The following GAREM1 variants were observed in gnomAD, a reference collection of about 807,000 sequenced individuals.
GAREM1 encodes GRB2-associated and regulator of MAPK protein 1.
In GAREM1, 26 loss-of-function variants were observed where a neutral mutation model predicts 71.3. That is an observed-to-expected ratio of 0.36 (90% CI 0.27 to 0.51). GAREM1 has a LOEUF of 0.51. Ranked by LOEUF, GAREM1 falls within the 20% of genes least tolerant of loss-of-function variation. The probability of loss-of-function intolerance (pLI) is 0.95; values close to 1 mark genes in which losing one functional copy is unlikely to be tolerated. For missense variants in GAREM1, 1,026 were observed against 1,103.1 expected (o/e 0.93, Z 0.99); for synonymous variants, 440 against 433.2 (o/e 1.02, Z -0.20).
At chr18:32,408,419 A>C (rs2048385713) in intron 1 of GAREM1, among the ~76,000 whole-genome samples, 1 of 152,216 alleles carries the variant, frequency 6.6e-6, no homozygotes, top group South Asian at 2.1e-4. Context: ...ATGGGGTGAT[A>C]TCAAGTATCC....
At chr18:32,456,579 C>T (rs1304271022) in intron 1 of GAREM1, among the ~76,000 whole-genome samples, 3 of 152,054 alleles carry the variant, frequency 2.0e-5, no homozygotes, top group East Asian at 1.9e-4. Flanking sequence ...TGGGATGCAA[C>T]GCAATCACTT....
intron 1 of GAREM1, among the ~76,000 whole-genome samples, chr18:32,415,792 C>T (rs1488385433): frequency 1.3e-5 from 2 of 152,060 alleles, no homozygotes; most frequent in Non-Finnish European, 2.9e-5. Flanking sequence ...AACTGAAAGC[C>T]TTTCCTCTAA....
rs530585192 is a variant in GAREM1, at chr18:32,387,813, A to G, written c.262+5082T>C. ...CATAGTTACCTTTTTTCAAAGTTTTATGAAATTATTTTTCATATTAAGAAT... is the reference window on the plus strand; with the variant it reads ...CATAGTTACCTTTTTTCAAAGTTTTGTGAAATTATTTTTCATATTAAGAAT... On this transcript the variant is annotated intron_variant, in intron 2 of 5. Transcript: ENST00000269209. Among the ~76,000 whole-genome samples the G allele has an allele frequency of 7.2e-4, 110 of 152,304 alleles. 1 individual carries two copies. The highest frequency in any genetic ancestry group is 3.4e-3 in the Middle Eastern group (1 of 294).
intron 3 of GAREM1, 146 bp downstream of exon 3, chr18:32,310,047 T>C: frequency 1.4e-6 from 1 of 712,132 alleles, no homozygotes; most frequent in South Asian, 2.0e-5. Context: ...TCAGCTACAA[T>C]ATATGTGGTT....
rs2047031338 is a variant in GAREM1 at position 32,287,305 on chromosome 18, C to T, written c.1292G>A (p.Ser431Asn). Residue 431 changes from serine to asparagine, a missense_variant, in exon 4 of 6, where the codon AGC becomes AAC. This residue lies in a region of GAREM1 where 636 missense variants were observed against 631.2 expected (regional missense o/e 1.01). Coordinates refer to ENST00000269209, the MANE Select transcript of GAREM1 (RefSeq NM_001242409.2). The surrounding 1 kb of genome is among the most constrained non-coding windows in gnomAD (Gnocchi z 5.9). ...ACTAGCTTCTGGGAAAAGGTAGTCG[C>T]TCCCACTATCTCCAGAGTCCTGATA... ...LPYQDSGDSG[S>N]DYLFPEASEE... 3 of 1,614,216 alleles carry T rather than the reference C, an allele frequency of 1.9e-6. No individual in the cohort carries two copies. Among genetic ancestry groups the T allele is most frequent in the Non-Finnish European group, 2.5e-6 (3 of 1,180,050 alleles).
In GAREM1 at chr18:32,412,410, C is replaced by T. The variant is rs189662693; in HGVS notation, c.122-19375G>A. On this transcript the variant is annotated intron_variant, in intron 1 of 5. Transcript: ENST00000269209. ...GCCAAAATCATTGTAGCTTCCACCA[C>T]CTCCAAAATTGCTTCCATCATTACC... 1.2e-4 allele frequency: 187 copies of T among 1,584,268 alleles called. No individual in the cohort carries two copies. The African/African-American group carries it at 2.5e-3, about 21-fold the overall frequency.
chr18:32,367,161 C>G (rs1365713419), intron 2 of GAREM1, among the ~76,000 whole-genome samples: 1 of 152,082 alleles, frequency 6.6e-6, no homozygotes, highest in Non-Finnish European at 1.5e-5. Context: ...CTGCAAAGCC[C>G]AAGAAAATAG....
At chr18:32,275,453 C>T (rs900682655) in intron 4 of GAREM1, among the ~76,000 whole-genome samples, 7 of 152,158 alleles carry the variant, frequency 4.6e-5, no homozygotes, top group African/African-American at 1.2e-4. Context: ...TTGCAGATGA[C>T]GGTGATCTCT....
At chr18:32,438,287 A>G (rs991308440) in intron 1 of GAREM1, among the ~76,000 whole-genome samples, 1 of 152,230 alleles carries the variant, frequency 6.6e-6, no homozygotes, top group Non-Finnish European at 1.5e-5. Flanking sequence ...CATGCCAGCC[A>G]CCAGCCCTGT....
At chr18:32,295,462 C>T (rs1460300171) in intron 3 of GAREM1, among the ~76,000 whole-genome samples, 1 of 152,116 alleles carries the variant, frequency 6.6e-6, no homozygotes, top group African/African-American at 2.4e-5. Context: ...ATCAGGCTTA[C>T]ATTAAACCTA....
chr18:32,298,528 T>C (rs1030445619), intron 3 of GAREM1, among the ~76,000 whole-genome samples: 3 of 152,192 alleles, frequency 2.0e-5, no homozygotes, highest in Admixed American at 6.5e-5. Flanking sequence ...TAAACAACTC[T>C]AATAGGTCTG....
chr18:32,381,222 A>G (rs8097263), intron 2 of GAREM1, among the ~76,000 whole-genome samples: 31,426 of 151,956 alleles, frequency 0.21, 3,967 homozygotes, highest in African/African-American at 0.35. Context: ...CATTCTTGCC[A>G]TCTAGAGGTC....
chr18:32,292,200 G>A (rs2047094466), intron 3 of GAREM1, among the ~76,000 whole-genome samples: 1 of 151,930 alleles, frequency 6.6e-6, no homozygotes, highest in Non-Finnish European at 1.5e-5. Flanking sequence ...GGCATGAGAT[G>A]GTATCTCATT....
intron 2 of GAREM1, among the ~76,000 whole-genome samples, chr18:32,382,203 G>A (rs1484588359): frequency 6.6e-6 from 1 of 152,148 alleles, no homozygotes; most frequent in Non-Finnish European, 1.5e-5. Flanking sequence ...TCCTCAAGGA[G>A]CCTTTAGTGG....
intron 3 of GAREM1, among the ~76,000 whole-genome samples, chr18:32,302,918 C>A (rs932059968): frequency 6.6e-6 from 1 of 152,190 alleles, no homozygotes; most frequent in Non-Finnish European, 1.5e-5. Flanking sequence ...GCACTGACAC[C>A]CCAGCCCACA....
intron 1 of GAREM1, among the ~76,000 whole-genome samples, chr18:32,411,187 A>C (rs1218029393): frequency 6.6e-6 from 1 of 152,208 alleles, no homozygotes; most frequent in Non-Finnish European, 1.5e-5. Context: ...TGTGTCTAAT[A>C]AGAAAATGCA....
At chr18:32,307,072 AAATT>A (rs1259254386) in intron 3 of GAREM1, among the ~76,000 whole-genome samples, 3 of 152,218 alleles carry the variant, frequency 2.0e-5, no homozygotes, top group Non-Finnish European at 4.4e-5. Context: ...TTTGAAGTTA[AAATT>A]TTGCTACAGT....
intron 1 of GAREM1, among the ~76,000 whole-genome samples, chr18:32,433,488 TAG>T (rs1491353053): frequency 6.6e-6 from 1 of 151,136 alleles, no homozygotes; most frequent in East Asian, 1.9e-4. Flanking sequence ...TAAAAACATA[TAG>T]AAAGGAAATC....
chr18:32,331,256 C>T (rs1308567904), intron 2 of GAREM1, among the ~76,000 whole-genome samples: 1 of 152,160 alleles, frequency 6.6e-6, no homozygotes, highest in Non-Finnish European at 1.5e-5. Flanking sequence ...CTAATGGGAA[C>T]CTCACAACTG....
Sources: allele counts gnomAD v4.1 joint callset (sites outside exome capture counted in the v4.1 genomes callset), GRCh38; gene constraint gnomAD v4.1.1; regional missense constraint gnomAD v4.1.1; non-coding constraint Gnocchi (gnomAD v3.1); transcripts MANE v1.5; gene names NCBI Gene and HGNC (gene_info 2026-07-23, HGNC 2026-07-21).